Variants in SLC25A26 observed in about 807,000 individuals in gnomAD.
The protein encoded by SLC25A26 is solute carrier family 25 member 26.
SLC25A26 carries 36 observed loss-of-function variants against 37.8 expected under a neutral mutation model. The observed-to-expected ratio is 0.95, with a 90% CI of 0.73 to 1.26. The LOEUF (loss-of-function observed/expected upper bound fraction) is 1.26, where lower values mean the gene tolerates loss of function less well. Among genes scored for constraint, SLC25A26 ranks in the 50% most tolerant of loss-of-function variants. The probability of loss-of-function intolerance (pLI) is 0.00; values close to 1 mark genes in which losing one functional copy is unlikely to be tolerated. For missense variants in SLC25A26, 390 were observed against 331.1 expected (o/e 1.18, Z -1.38); for synonymous variants, 129 against 122.5 (o/e 1.05, Z -0.35).
At chr3:66,270,021 T>A (rs2107346420) in intron 5 of SLC25A26, among the ~76,000 whole-genome samples, 1 of 152,266 alleles carries the variant, frequency 6.6e-6, no homozygotes, top group Non-Finnish European at 1.5e-5. Context: ...GACTTATTTT[T>A]GTTCAGATGC....
intron 1 of SLC25A26, among the ~76,000 whole-genome samples, chr3:66,223,349 T>G (rs1553659374): frequency 6.6e-6 from 1 of 152,090 alleles, no homozygotes; most frequent in Non-Finnish European, 1.5e-5. Context: ...TGGTGAGGCC[T>G]AATGGGTAAG....
intron 3 of SLC25A26, among the ~76,000 whole-genome samples, chr3:66,255,682 TTC>T (rs1251501358): frequency 3.3e-5 from 5 of 152,184 alleles, no homozygotes; most frequent in African/African-American, 1.2e-4. Flanking sequence ...ACAGATGACA[TTC>T]TGTTTCCTTT....
chr3:66,361,601 C>T (rs1559738684), intron 6 of SLC25A26, among the ~76,000 whole-genome samples: 1 of 152,108 alleles, frequency 6.6e-6, no homozygotes, highest in East Asian at 1.9e-4. Context: ...GACACTTCAC[C>T]AAAGACAGTA....
chr3:66,164,789 AG>A lies in SLC25A26; in HGVS notation c.-354+30808del, dbSNP rs1400352500. Among the ~76,000 whole-genome samples the A allele has an allele frequency of 2.6e-5, 4 of 152,306 alleles. No individual in the cohort carries two copies. The East Asian group carries it at 7.7e-4, about 29-fold the overall frequency. On this transcript the variant is annotated intron_variant, in intron 1 of 10. Transcript: ENST00000676754. Reference sequence around the variant, plus strand: ...CCATAGTTTGCTGACCCCTGGAGAAAGGGCTTTCTAACACCTGCACAAAATC... The same window carrying A: ...CCATAGTTTGCTGACCCCTGGAGAAAGGCTTTCTAACACCTGCACAAAATC...
At chr3:66,222,391 A>C (rs551002995) in intron 1 of SLC25A26, among the ~76,000 whole-genome samples, 1 of 152,248 alleles carries the variant, frequency 6.6e-6, no homozygotes, top group South Asian at 2.1e-4. Flanking sequence ...CGTGTTAGCC[A>C]GGATGGTCTC....
chr3:66,221,418 A>C (rs573734604), intron 1 of SLC25A26, among the ~76,000 whole-genome samples: 2 of 151,860 alleles, frequency 1.3e-5, no homozygotes, highest in Non-Finnish European at 2.9e-5. Flanking sequence ...ACTGTTAACT[A>C]CTCTTTCATT....
At chr3:66,139,994 G>A (rs530367257) in intron 1 of SLC25A26, among the ~76,000 whole-genome samples, 2 of 152,282 alleles carry the variant, frequency 1.3e-5, no homozygotes, top group African/African-American at 4.8e-5. Flanking sequence ...ATTCGTTTAA[G>A]CACATCAAGA....
At chr3:66,375,555 T>C (rs1700597745) in intron 9 of SLC25A26, among the ~76,000 whole-genome samples, 2 of 152,218 alleles carry the variant, frequency 1.3e-5, no homozygotes, top group African/African-American at 4.8e-5. Flanking sequence ...CTGAAAATCC[T>C]AGAGCCTTTA....
intron 1 of SLC25A26, among the ~76,000 whole-genome samples, chr3:66,142,098 C>T (rs1200955541): frequency 6.6e-6 from 1 of 152,202 alleles, no homozygotes; most frequent in Non-Finnish European, 1.5e-5. Context: ...ACATTTTCAT[C>T]ACTCCAAAAT....
intron 5 of SLC25A26, among the ~76,000 whole-genome samples, chr3:66,284,442 T>A (rs990058707): frequency 6.6e-6 from 1 of 152,130 alleles, no homozygotes; most frequent in Non-Finnish European, 1.5e-5. Flanking sequence ...AAACTGAAGA[T>A]CCATATAAGC....
At chr3:66,281,967 C>T (rs1479134108) in intron 5 of SLC25A26, among the ~76,000 whole-genome samples, 1 of 149,860 alleles carries the variant, frequency 6.7e-6, no homozygotes, top group East Asian at 2.0e-4. Context: ...GGATTACAGG[C>T]ACGCACCACC....
intron 5 of SLC25A26, among the ~76,000 whole-genome samples, chr3:66,315,075 CTTTGAT>C (rs2075496955): frequency 8.4e-6 from 1 of 119,290 alleles, no homozygotes; most frequent in Admixed American, 8.6e-5. Context: ...CTCCTGGATT[CTTTGAT>C]TTTTTTTTTT....
intron 2 of SLC25A26, among the ~76,000 whole-genome samples, chr3:66,238,631 C>T (rs977540620): frequency 1.1e-4 from 17 of 152,262 alleles, no homozygotes; most frequent in Admixed American, 7.2e-4. Context: ...TCCCAAAGTG[C>T]TGGGATTACA....
chr3:66,357,784 G>A (rs923524082), intron 6 of SLC25A26, among the ~76,000 whole-genome samples: 8 of 151,796 alleles, frequency 5.3e-5, no homozygotes, highest in Non-Finnish European at 1.0e-4. Context: ...ATTTAATAAC[G>A]TGTGTATTAT....
intron 1 of SLC25A26, among the ~76,000 whole-genome samples, chr3:66,149,375 A>G (rs2070166653): frequency 6.6e-6 from 1 of 152,156 alleles, no homozygotes; most frequent in Non-Finnish European, 1.5e-5. Context: ...GGATGACATA[A>G]TTCAAGCACC....
At chr3:66,207,300 T>C (rs966551182) in intron 1 of SLC25A26, among the ~76,000 whole-genome samples, 3 of 152,136 alleles carry the variant, frequency 2.0e-5, no homozygotes, top group African/African-American at 7.2e-5. Context: ...TAGACCATAC[T>C]AGTCCAGTTC....
chr3:66,377,901 G>T lies in SLC25A26; in HGVS notation c.*94G>T. Reference sequence around the variant, plus strand: ...GCAGCTGTCTGAACTATAGGCCCCAGTGCTGAAGACCAGTTGTGCTAAGAT... The same window carrying T: ...GCAGCTGTCTGAACTATAGGCCCCATTGCTGAAGACCAGTTGTGCTAAGAT... On this transcript the variant is annotated 3_prime_UTR_variant, in exon 10 of 10. Transcript: ENST00000354883. 1 of 939,456 alleles carries T rather than the reference G, an allele frequency of 1.1e-6. No homozygotes were observed. 58.2% of individuals were successfully genotyped at this position (939,456 alleles called of 1,614,324 possible). A position where few individuals can be genotyped will look rare whatever the true frequency, so the allele number is the denominator to read the frequency against.
chr3:66,161,055 A>G (rs897723197), intron 1 of SLC25A26, among the ~76,000 whole-genome samples: 1 of 152,048 alleles, frequency 6.6e-6, no homozygotes, highest in Non-Finnish European at 1.5e-5. Context: ...ACAGCTTTTA[A>G]TGGTTTGTTA....
chr3:66,168,158 A>T (rs183328272), intron 1 of SLC25A26, among the ~76,000 whole-genome samples: 1,079 of 40,444 alleles, frequency 0.027, 73 homozygotes, highest in African/African-American at 0.12. Context: ...AGTCTCAAAA[A>T]AAATATATAT....
Sources: gnomAD v4.1 joint callset for allele counts (sites outside exome capture counted in the v4.1 genomes callset) on GRCh38, gnomAD v4.1.1 for gene constraint, MANE v1.5 for transcripts, NCBI Gene and HGNC (gene_info 2026-07-23, HGNC 2026-07-21) for gene names.